Variants in TRMT9B observed in about 807,000 individuals in gnomAD.
TRMT9B encodes probable tRNA methyltransferase 9B.
Under a neutral mutation model 11.5 loss-of-function variants are expected in TRMT9B, and 16 were observed. The observed-to-expected ratio is 1.39, with a 90% CI of 0.94 to 2.11. The LOEUF is 2.11. Ranked by LOEUF, TRMT9B falls within the 30% of genes most tolerant of loss-of-function variation. TRMT9B has a pLI of 0.00. For missense variants in TRMT9B, 941 were observed against 553.8 expected, an observed-to-expected ratio of 1.70 and a Z score of -7.02; for synonymous variants, 274 against 192.4, an observed-to-expected ratio of 1.42 and a Z score of -3.51.
intron 2 of TRMT9B, among the ~76,000 whole-genome samples, chr8:12,993,730 T>C (rs1212864709): frequency 6.6e-6 from 1 of 152,252 alleles, no homozygotes; most frequent in East Asian, 1.9e-4. Context: ...TGATGAGTCC[T>C]GTTGGCAACC....
At chr8:13,008,325 G>A (rs1810889231) in intron 3 of TRMT9B, among the ~76,000 whole-genome samples, 1 of 152,198 alleles carries the variant, frequency 6.6e-6, no homozygotes, top group South Asian at 2.1e-4. Context: ...CCATTTGAAA[G>A]AGCAAAATCA....
intron 1 of TRMT9B, among the ~76,000 whole-genome samples, chr8:12,952,907 T>G (rs926086009): frequency 3.3e-5 from 5 of 152,126 alleles, no homozygotes; most frequent in African/African-American, 1.2e-4. Context: ...GCCTGGCTAA[T>G]TTTTGTATTT....
chr8:13,025,208 A>C lies in TRMT9B; in HGVS notation c.*3164A>C, dbSNP rs1005098021. ...AATAGAAGGGAGAGTTTGGGGGTTT[A>C]TTGGAGGAGTCTTAAAAACTTGGTT... On this transcript the variant is annotated 3_prime_UTR_variant, in exon 5 of 5. Transcript: ENST00000524591. 2 of 167,022 alleles carry C rather than the reference A, an allele frequency of 1.2e-5. No homozygotes were observed. The highest frequency in any genetic ancestry group is 2.4e-5 in the African/African-American group (1 of 41,396). The allele number at this position is 167,022 out of a possible 1,614,324, so 10.3% of individuals were successfully genotyped here.
In TRMT9B at chr8:13,006,727, G is replaced by A. The variant is rs1391680915; in HGVS notation, c.154+371G>A. ...CTTGTCAACCAGATTGGAGTGCAGT[G>A]GTGCAATCTCAGCTTGCTGCAAACT... On this transcript the variant is annotated intron_variant, in intron 3 of 4. Transcript: ENST00000524591. The A allele has an allele frequency of 1.6e-5, 17 of 1,068,890 alleles. No homozygotes were observed. The African/African-American group carries it at 1.9e-4, about 12-fold the overall frequency. 66.2% of individuals were successfully genotyped at this position (1,068,890 alleles called of 1,614,324 possible).
rs1278839069 is a variant in TRMT9B, at chr8:13,022,032, A to G, written c.1353A>G (p.Arg451=). ...GGTGTATCATTGCAGAGAAAAAGAGAGGTTGTGATTGATTGGATCCTTTTA... is the reference window on the plus strand; with the variant it reads ...GGTGTATCATTGCAGAGAAAAAGAGGGGTTGTGATTGATTGGATCCTTTTA... ...GNWCIIAEKK[R]GCD is the part of the protein sequence containing the mutation. Residue 451 remains arginine, a synonymous_variant, in exon 5 of 5, where the codon AGA becomes AGG. Coordinates refer to ENST00000524591, the MANE Select transcript of TRMT9B (RefSeq NM_020844.3). 10 of 1,576,946 alleles carry G rather than the reference A, an allele frequency of 6.3e-6. No individual in the cohort carries two copies. The highest frequency in any genetic ancestry group is 8.6e-6 in the Non-Finnish European group (10 of 1,163,816).
At position 12,998,566 on chromosome 8, in the gene TRMT9B, A is replaced by G. The variant is rs529391547; in HGVS notation, c.-2+7535A>G. 2.0e-5 allele frequency among the ~76,000 whole-genome samples: 3 copies of G among 152,328 alleles called. No homozygotes were observed. The South Asian group carries it at 6.2e-4, about 32-fold the overall frequency. Reference sequence around the variant, plus strand: ...CAGGGCTAAGTGCTTACAGCCTATTACCCTGGCCTCTGTGCTAACTTCTTA... The same window carrying G: ...CAGGGCTAAGTGCTTACAGCCTATTGCCCTGGCCTCTGTGCTAACTTCTTA... On this transcript the variant is annotated intron_variant, in intron 2 of 4. Coordinates refer to ENST00000524591, the MANE Select transcript of TRMT9B (RefSeq NM_020844.3).
chr8:12,970,532 C>T (rs187625159), intron 1 of TRMT9B, among the ~76,000 whole-genome samples: 10 of 152,254 alleles, frequency 6.6e-5, no homozygotes, highest in East Asian at 5.8e-4. Flanking sequence ...GCCTTCTGGG[C>T]GGTCCTACAG....
chr8:12,977,198 T>C (rs1804590580), intron 1 of TRMT9B, among the ~76,000 whole-genome samples: 1 of 152,212 alleles, frequency 6.6e-6, no homozygotes. Flanking sequence ...GCTGATTCCC[T>C]TGAAGCTTTG....
intron 1 of TRMT9B, among the ~76,000 whole-genome samples, chr8:12,948,915 G>A (rs1800400734): frequency 6.6e-6 from 1 of 152,100 alleles, no homozygotes; most frequent in Admixed American, 6.5e-5. Flanking sequence ...AGCCGAGATC[G>A]CACCACTGCA....
chr8:13,010,862 T>C, intron 3 of TRMT9B: 1 of 979,164 alleles, frequency 1.0e-6, no homozygotes, highest in African/African-American at 1.8e-5. Flanking sequence ...ATGATTGCCT[T>C]CAAACAGAGG....
At chr8:13,008,390 G>C (rs1271107810) in intron 3 of TRMT9B, among the ~76,000 whole-genome samples, 1 of 152,190 alleles carries the variant, frequency 6.6e-6, no homozygotes, top group Non-Finnish European at 1.5e-5. Context: ...TTATGGAAAG[G>C]ACACTTGATT....
intron 1 of TRMT9B, among the ~76,000 whole-genome samples, chr8:12,950,024 T>C (rs1174571092): frequency 1.3e-5 from 2 of 152,128 alleles, no homozygotes; most frequent in African/African-American, 4.8e-5. Context: ...AGCTAATGTT[T>C]TGTATTTCTT....
intron 3 of TRMT9B, among the ~76,000 whole-genome samples, chr8:13,009,517 C>T (rs1012203025): frequency 2.0e-5 from 3 of 152,122 alleles, no homozygotes; most frequent in Admixed American, 6.5e-5. Context: ...GCCAAGCAAC[C>T]CACACCAGAG....
chr8:13,004,846 G>A (rs1248096605), intron 2 of TRMT9B, among the ~76,000 whole-genome samples: 3 of 152,032 alleles, frequency 2.0e-5, no homozygotes, highest in Non-Finnish European at 4.4e-5. Flanking sequence ...CAGTGGGGAA[G>A]GGGTCTTTGG....
chr8:12,964,731 C>G (rs1161493525), intron 1 of TRMT9B, among the ~76,000 whole-genome samples: 1 of 146,980 alleles, frequency 6.8e-6, no homozygotes, highest in Non-Finnish European at 1.5e-5. Context: ...TGCCACCACA[C>G]CAGGCTAATG....
intron 1 of TRMT9B, among the ~76,000 whole-genome samples, chr8:12,985,499 C>G (rs1260325480): frequency 6.6e-6 from 1 of 152,162 alleles, no homozygotes; most frequent in Non-Finnish European, 1.5e-5. Flanking sequence ...GCTGTCTATA[C>G]TTTTGTATCC....
chr8:12,952,932 G>T (rs913495673), intron 1 of TRMT9B, among the ~76,000 whole-genome samples: 2 of 152,184 alleles, frequency 1.3e-5, no homozygotes, highest in Non-Finnish European at 2.9e-5. Context: ...TAGAGACGGG[G>T]TTTCACCATG....
chr8:13,000,340 T>A (rs1809186735), intron 2 of TRMT9B, among the ~76,000 whole-genome samples: 3 of 152,250 alleles, frequency 2.0e-5, no homozygotes, highest in Non-Finnish European at 4.4e-5. Context: ...ACCCTGTTGC[T>A]AGTAGCAGGA....
chr8:12,973,927 A>G (rs1804019212), intron 1 of TRMT9B, among the ~76,000 whole-genome samples: 1 of 152,188 alleles, frequency 6.6e-6, no homozygotes, highest in Admixed American at 6.5e-5. Context: ...TGGGAGGCTG[A>G]GATGGGAGGA....
Sources: allele counts gnomAD v4.1 joint callset (sites outside exome capture counted in the v4.1 genomes callset), GRCh38; gene constraint gnomAD v4.1.1; transcripts MANE v1.5; gene names NCBI Gene and HGNC (gene_info 2026-07-23, HGNC 2026-07-21).